Variants in KHDRBS2 observed in about 807,000 individuals in gnomAD.
KHDRBS2 encodes the protein KH RNA binding domain containing, signal transduction associated 2.
Under a neutral mutation model 44.3 loss-of-function variants are expected in KHDRBS2, and 26 were observed. The observed-to-expected ratio is 0.59, with a 90% CI of 0.43 to 0.81. The LOEUF is 0.81. Ranked by LOEUF, KHDRBS2 falls within the 40% of genes least tolerant of loss-of-function variation. The pLI is 0.00. For missense variants in KHDRBS2, 476 were observed against 433.1 expected (o/e 1.10, Z -0.88); for synonymous variants, 194 against 151.1 (o/e 1.28, Z -2.08).
chr6:62,273,682 T>C (rs547050765), intron 1 of KHDRBS2, among the ~76,000 whole-genome samples: 1 of 152,248 alleles, frequency 6.6e-6, no homozygotes, highest in East Asian at 1.9e-4. Flanking sequence ...ACCTAGATGC[T>C]AGTAAAACGT....
intron 4 of KHDRBS2, among the ~76,000 whole-genome samples, chr6:61,903,254 A>T (rs1191959500): frequency 6.6e-6 from 1 of 152,216 alleles, no homozygotes; most frequent in East Asian, 1.9e-4. Flanking sequence ...AATGTTTTCC[A>T]GTTTCAAAGG....
At chr6:61,690,941 C>G (rs1767336264) in intron 8 of KHDRBS2, among the ~76,000 whole-genome samples, 1 of 151,964 alleles carries the variant, frequency 6.6e-6, no homozygotes, top group African/African-American at 2.4e-5. Flanking sequence ...TGAATGTGCC[C>G]CCATGCATGT....
chr6:61,917,359 C>T (rs576758928), intron 4 of KHDRBS2, among the ~76,000 whole-genome samples: 222 of 151,846 alleles, frequency 1.5e-3, no homozygotes, highest in African/African-American at 5.1e-3. Context: ...ATATTAAAAG[C>T]TTAAATGTAT....
At chr6:61,836,119 T>A (rs112301807) in intron 6 of KHDRBS2, among the ~76,000 whole-genome samples, 18 of 151,966 alleles carry the variant, frequency 1.2e-4, no homozygotes, top group Non-Finnish European at 2.2e-4. Context: ...TACCCTCTAA[T>A]TTTAATCTAG....
chr6:62,060,382 G>A (rs1791480186), intron 2 of KHDRBS2, among the ~76,000 whole-genome samples: 1 of 151,676 alleles, frequency 6.6e-6, no homozygotes, highest in South Asian at 2.1e-4. Flanking sequence ...GCAGTTTGAG[G>A]ATTGGAAGAC....
At chr6:61,731,272 T>G (rs1029962610) in intron 7 of KHDRBS2, among the ~76,000 whole-genome samples, 3 of 150,900 alleles carry the variant, frequency 2.0e-5, no homozygotes, top group African/African-American at 7.4e-5. Flanking sequence ...CCTAAATGAC[T>G]GTGTTGTTTT....
At chr6:61,605,454 G>A in the KHDRBS2 span, among the ~76,000 whole-genome samples, 20 of 152,256 alleles carry the variant, frequency 1.3e-4, no homozygotes, top group Middle Eastern at 3.4e-3. Flanking sequence ...AGGATATGCT[G>A]AACCTCTTTG....
At chr6:61,879,966 A>G (rs1188310460) in intron 6 of KHDRBS2, among the ~76,000 whole-genome samples, 1 of 151,914 alleles carries the variant, frequency 6.6e-6, no homozygotes, top group African/African-American at 2.4e-5. Flanking sequence ...GATAAGATAA[A>G]TTTAGCATTG....
At chr6:62,176,408 C>T (rs1287425206) in intron 2 of KHDRBS2, among the ~76,000 whole-genome samples, 2 of 151,234 alleles carry the variant, frequency 1.3e-5, no homozygotes, top group Non-Finnish European at 3.0e-5. Flanking sequence ...TATTAGAAGA[C>T]AATTGGTAAA....
the KHDRBS2 span, among the ~76,000 whole-genome samples, chr6:61,672,720 G>A: frequency 2.6e-5 from 4 of 151,670 alleles, no homozygotes; most frequent in Non-Finnish European, 4.4e-5. Flanking sequence ...AAATTTGTTT[G>A]AGTTCATTGT....
At chr6:62,097,203 A>T (rs1201731793) in intron 2 of KHDRBS2, among the ~76,000 whole-genome samples, 1 of 151,720 alleles carries the variant, frequency 6.6e-6, no homozygotes, top group African/African-American at 2.4e-5. Flanking sequence ...GCGTATTCTG[A>T]AGCTGTTGAG....
intron 3 of KHDRBS2, among the ~76,000 whole-genome samples, chr6:61,978,864 C>T (rs1315700650): frequency 6.6e-6 from 1 of 152,028 alleles, no homozygotes. Context: ...GGCTACGTAA[C>T]TTCTGGTTAA....
intron 4 of KHDRBS2, among the ~76,000 whole-genome samples, chr6:61,955,331 TAC>T (rs945909558): frequency 1.4e-5 from 2 of 147,200 alleles, no homozygotes; most frequent in African/African-American, 2.5e-5. Flanking sequence ...CGTGTATATA[TAC>T]ACATATGTAT....
At chr6:61,613,013 C>A in the KHDRBS2 span, among the ~76,000 whole-genome samples, 3 of 151,816 alleles carry the variant, frequency 2.0e-5, no homozygotes, top group Non-Finnish European at 4.4e-5. Context: ...CCACAACTCC[C>A]GGCTAATTTT....
intron 3 of KHDRBS2, among the ~76,000 whole-genome samples, chr6:62,038,809 A>T (rs556959651): frequency 1.3e-5 from 2 of 152,080 alleles, no homozygotes; most frequent in Non-Finnish European, 2.9e-5. Flanking sequence ...TTCTAAAACC[A>T]TACAAATAAT....
At chr6:62,161,585 G>A (rs937524075) in intron 2 of KHDRBS2, among the ~76,000 whole-genome samples, 1 of 112,408 alleles carries the variant, frequency 8.9e-6, no homozygotes, top group Non-Finnish European at 1.8e-5. Flanking sequence ...GGGGGGGGGG[G>A]GGTCCCAGAA....
intron 3 of KHDRBS2, among the ~76,000 whole-genome samples, chr6:62,031,146 T>C (rs1432313483): frequency 6.6e-6 from 1 of 152,054 alleles, no homozygotes; most frequent in Non-Finnish European, 1.5e-5. Flanking sequence ...AAATAATTTT[T>C]TTTGGCCAGA....
At chr6:61,664,003 T>G in the KHDRBS2 span, among the ~76,000 whole-genome samples, 2 of 151,800 alleles carry the variant, frequency 1.3e-5, no homozygotes, top group African/African-American at 2.4e-5. Flanking sequence ...GCCTTGTAAT[T>G]GAAAATCAAA....
the KHDRBS2 span, among the ~76,000 whole-genome samples, chr6:61,605,701 A>G: frequency 6.6e-6 from 1 of 151,908 alleles, no homozygotes; most frequent in African/African-American, 2.4e-5. Flanking sequence ...CCCCAATCCC[A>G]CTCAAAGCAG....
Sources: allele counts gnomAD v4.1 joint callset (sites outside exome capture counted in the v4.1 genomes callset), GRCh38; gene constraint gnomAD v4.1.1; transcripts MANE v1.5; gene names NCBI Gene and HGNC (gene_info 2026-07-23, HGNC 2026-07-21).